The following ANO8 variants were observed in gnomAD, a reference collection of about 807,000 sequenced individuals.
ANO8 encodes the protein anoctamin-8.
In ANO8, 67 loss-of-function variants were observed where a neutral mutation model predicts 120.4. The ratio of observed to expected loss-of-function variants is 0.56; its 90% CI spans 0.46 to 0.68. ANO8 has a LOEUF of 0.68. Ranked by LOEUF, ANO8 falls within the 30% of genes least tolerant of loss-of-function variation. The probability of loss-of-function intolerance (pLI) is 0.00; values close to 1 mark genes in which losing one functional copy is unlikely to be tolerated. For synonymous variants in ANO8, 727 were observed against 759.2 expected, an observed-to-expected ratio of 0.96 and a Z score of 0.70; for missense variants, 1,526 against 1,737.6, an observed-to-expected ratio of 0.88 and a Z score of 2.16.
intron 1 of ANO8, among the ~76,000 whole-genome samples, chr19:17,334,189 G>A (rs1822615580): frequency 6.6e-6 from 1 of 152,242 alleles, no homozygotes; most frequent in African/African-American, 2.4e-5. Flanking sequence ...GAGGCCCAGA[G>A]CGTTTAAGTC....
rs971448910 is a variant in ANO8, at chr19:17,328,829, C to T, written c.1559G>A (p.Arg520His). The part of the protein sequence containing the change: ...RALLGLLSLR[R>H]PAPRRLEPQA... ...GGGTTCGAGGCGGCGGGGCGCAGGG[C>T]GCCGGAGGCTCAGGAGGCCAAGCAG... Residue 520 changes from arginine to histidine, a missense_variant, in exon 13 of 18, where the codon CGC becomes CAC. Arg to His is a conservative substitution (Grantham distance 29). Transcript: ENST00000159087. 6 of 1,447,456 alleles carry T rather than the reference C, an allele frequency of 4.1e-6. No homozygotes were observed. The highest frequency in any genetic ancestry group is 3.0e-5 in the African/African-American group (2 of 67,420). 89.7% of individuals were successfully genotyped at this position (1,447,456 alleles called of 1,614,324 possible). A position where few individuals can be genotyped will look rare whatever the true frequency, so the allele number is the denominator to read the frequency against.
rs777635079 is a variant in ANO8 at position 17,327,748 on chromosome 19, G to A, written c.2359C>T (p.Leu787=). ...LIEIRSDAFK[L]CTGLQRPFGQ... is the part of the protein sequence containing the mutation. ...AAGGGCCGCTGCAGCCCGGTGCACA[G>A]CTTGAAGGCGTCGCTGCGGATCTCA... Residue 787 remains leucine, a synonymous_variant, in exon 14 of 18, where the codon CTG becomes TTG. Transcript: ENST00000159087. 1 of 1,614,100 alleles carries A rather than the reference G, an allele frequency of 6.2e-7. No individual in the cohort carries two copies. Among genetic ancestry groups the A allele is most frequent in the Non-Finnish European group, 8.5e-7 (1 of 1,180,004 alleles).
rs140217196 is a variant in ANO8, at chr19:17,326,486, C to T, written c.2661+749G>A. 2.5e-3 allele frequency among the ~76,000 whole-genome samples: 385 copies of T among 152,206 alleles called. 2 individuals carry two copies. Among genetic ancestry groups the T allele is most frequent in the African/African-American group, 8.5e-3 (353 of 41,508 alleles). ...ACTCCATGCACTCCAGCCTGGATGACAGAGTGAGAGAGATTCTGTCTCAAA... is the reference window on the plus strand; with the variant it reads ...ACTCCATGCACTCCAGCCTGGATGATAGAGTGAGAGAGATTCTGTCTCAAA... On this transcript the variant is annotated intron_variant, in intron 16 of 17. Coordinates refer to ENST00000159087, the MANE Select transcript of ANO8 (RefSeq NM_020959.3).
Position 17,331,410 on chromosome 19 carries a change from G to C in ANO8, c.588C>G (p.Ile196Met). 1 of 1,613,164 alleles carries C rather than the reference G, an allele frequency of 6.2e-7. No homozygotes were observed. Among genetic ancestry groups the C allele is most frequent in the Non-Finnish European group, 8.5e-7 (1 of 1,179,890 alleles). ...TGATCCCACGTGCTGCCAGCTCCGG[G>C]ACTGTGGAGGGAGGAGCACAGGTGA... is the stretch of plus-strand genomic sequence containing the variant. ...NVRFLEDQPI[I>M]PELAARGIIQ... is the part of the protein sequence containing the mutation. The change falls in exon 6 of 18, where the codon ATC becomes ATG. Residue 196 changes from isoleucine to methionine, a missense_variant and splice_region_variant. Physicochemically the swap from Ile to Met is conservative, Grantham distance 10. Transcript: ENST00000159087.
chr19:17,329,316 C>G, intron 12 of ANO8: 2 of 359,200 alleles, frequency 5.6e-6, no homozygotes, highest in Admixed American at 4.6e-5. Flanking sequence ...CAGATTCCCT[C>G]CGCGCATGCG....
rs1417661462 is a variant in ANO8, at chr19:17,333,419, C to T, written c.350+3G>A. On this transcript the variant is annotated splice_donor_region_variant and intron_variant, in intron 3 of 17. Coordinates refer to ENST00000159087, the MANE Select transcript of ANO8 (RefSeq NM_020959.3). The surrounding 1 kb of genome is among the most constrained non-coding windows in gnomAD (Gnocchi z 7.2). ...AGCGAGAGGCCAGGGACAGGGGACTCGCCTCTCATACGTGGCGGTGACAAA... is the reference window on the plus strand; with the variant it reads ...AGCGAGAGGCCAGGGACAGGGGACTTGCCTCTCATACGTGGCGGTGACAAA... 8 of 1,613,640 alleles carry T rather than the reference C, an allele frequency of 5.0e-6. No individual in the cohort carries two copies. The highest frequency in any genetic ancestry group is 1.7e-5 in the Admixed American group (1 of 60,000).
chr19:17,327,827 G>A lies in ANO8; in HGVS notation c.2280C>T (p.Leu760=), dbSNP rs143733604. Residue 760 remains leucine (L), a synonymous_variant, in exon 14 of 18, where the codon CTC becomes CTT. Transcript: ENST00000159087. The part of the protein sequence containing the change: ...EMFVQFGYVV[L]FSSAFPLAAL... ...CCGCCAGGGGGAAGGCGGACGAGAAGAGCACAACGTAGCCGAACTGCACGA... is the reference window on the plus strand; with the variant it reads ...CCGCCAGGGGGAAGGCGGACGAGAAAAGCACAACGTAGCCGAACTGCACGA... 91 of 1,614,236 alleles carry A rather than the reference G, an allele frequency of 5.6e-5. 1 individual carries two copies. The African/African-American group carries it at 1.2e-3, about 21-fold the overall frequency.
rs775914668 is a variant in ANO8, at chr19:17,325,338, G to A, written c.2710C>T (p.Arg904Trp). 66 of 1,601,266 alleles carry A rather than the reference G, an allele frequency of 4.1e-5. No individual in the cohort carries two copies. The highest frequency in any genetic ancestry group is 5.2e-5 in the Non-Finnish European group (61 of 1,178,674). ...CGCTGTCGCTCCTCCTCCTCCCGCC[G>A]CCTGCGCTGCTGCTGCTGGTAGCGA... ...QHRYQQQQRR[R>W]REEEERQRHA... The change falls in exon 17 of 18, where the codon CGG (arginine) becomes TGG (tryptophan). Residue 904 changes from arginine (R) to tryptophan (W), a missense_variant. Transcript: ENST00000159087.
At position 17,327,309 on chromosome 19, in the gene ANO8, C is replaced by A; in HGVS notation, c.2587G>T (p.Ala863Ser). 1 of 1,549,888 alleles carries A rather than the reference C, an allele frequency of 6.5e-7. No individual in the cohort carries two copies. Among genetic ancestry groups the A allele is most frequent in the Non-Finnish European group, 8.7e-7 (1 of 1,146,796 alleles). The change falls in exon 16 of 18, where the codon GCC (alanine) becomes TCC (serine). Residue 863 changes from alanine (A) to serine (S), a missense_variant. Transcript: ENST00000159087. ...ALLLKYLIHVAIPDIPGWVAE... is the reference protein window; with the variant it reads ...ALLLKYLIHVSIPDIPGWVAE... The stretch of plus-strand genomic sequence containing the variant: ...ACCCAGCCCGGGATATCGGGGATGG[C>A]CACGTGGATGAGGTACTTGAGGAGC...
chr19:17,332,517 A>C (rs1286376003), intron 5 of ANO8, among the ~76,000 whole-genome samples: 1 of 152,230 alleles, frequency 6.6e-6, no homozygotes, highest in Non-Finnish European at 1.5e-5. Flanking sequence ...TCCAACGCCC[A>C]GAGCCGCACC....
At position 17,332,991 on chromosome 19, in the gene ANO8, A is replaced by G; in HGVS notation, c.525T>C (p.Asn175=). ...GTGCTTCTCCCTGCTTGGCACGCAAATTCTGCAGCCAGAAGCGGATGATGC... is the reference window on the plus strand; with the variant it reads ...GTGCTTCTCCCTGCTTGGCACGCAAGTTCTGCAGCCAGAAGCGGATGATGC... ...RQSIIRFWLQ[N]LRAKQGEALH... Residue 175 remains asparagine (N), a synonymous_variant, in exon 5 of 18, where the codon AAT becomes AAC. Transcript: ENST00000159087. The G allele has an allele frequency of 6.2e-7, 1 of 1,614,158 alleles. No homozygotes were observed. Among genetic ancestry groups the G allele is most frequent in the Non-Finnish European group, 8.5e-7 (1 of 1,180,044 alleles).
chr19:17,330,418 G>A lies in ANO8; in HGVS notation c.1080C>T (p.Ser360=), dbSNP rs748001086. The A allele has an allele frequency of 1.1e-5, 17 of 1,576,034 alleles. No homozygotes were observed. In the East Asian group the frequency reaches 3.5e-4, roughly 33 times the overall value. The part of the protein sequence containing the change: ...WKRLLFQLLV[S]LPLCLACLVC... Reference sequence around the variant, plus strand: ...CGAGGCACGCCAGGCACAGGGGGAGGCTCACAAGCAGCTGGAAGAGCAGCC... The same window carrying A: ...CGAGGCACGCCAGGCACAGGGGGAGACTCACAAGCAGCTGGAAGAGCAGCC... Residue 360 remains serine (S), a synonymous_variant, in exon 9 of 18, where the codon AGC becomes AGT. Coordinates refer to ENST00000159087, the MANE Select transcript of ANO8 (RefSeq NM_020959.3).
intron 16 of ANO8, among the ~76,000 whole-genome samples, chr19:17,326,543 T>C (rs569170706): frequency 1.2e-4 from 19 of 152,086 alleles, no homozygotes; most frequent in Non-Finnish European, 2.5e-4. Flanking sequence ...AAAAGGACTA[T>C]GGCTGCAGCA....
intron 16 of ANO8, 40 bp downstream of exon 16, chr19:17,327,195 C>A: frequency 1.4e-6 from 2 of 1,469,760 alleles, no homozygotes; most frequent in Non-Finnish European, 1.8e-6. Flanking sequence ...CACCAGCAGC[C>A]CCACCAATGA....
rs142385187 is a variant in ANO8 at position 17,323,311 on chromosome 19, C to CTCTGTGTG, written c.*205_*206insCACACAGA. 3 of 327,488 alleles carry CTCTGTGTG rather than the reference C, an allele frequency of 9.2e-6. No homozygotes were observed. Among genetic ancestry groups the CTCTGTGTG allele is most frequent in the Non-Finnish European group, 1.1e-5 (2 of 180,456 alleles). 20.3% of individuals were successfully genotyped at this position (327,488 alleles called of 1,614,324 possible). On this transcript the variant is annotated 3_prime_UTR_variant, in exon 18 of 18. Coordinates refer to ENST00000159087, the MANE Select transcript of ANO8 (RefSeq NM_020959.3). ...AAAAACAAATAAATAATCGCCTGTT[C>CTCTGTGTG]TGTGTGTGTGTGTGTGTGTGTGTGT...
At position 17,328,539 on chromosome 19, in the gene ANO8, CCTT is replaced by C. The variant is rs752367532; in HGVS notation, c.1846_1848del (p.Lys616del). Reference sequence around the variant, plus strand: ...CCCGCGCCGCGCTCAGCGAAGCTGACCTTCTTCAGCCGGAGCCCGCAGTCCAGG... The same window carrying C: ...CCCGCGCCGCGCTCAGCGAAGCTGACCTTCAGCCGGAGCCCGCAGTCCAGG... On this transcript the variant is annotated inframe_deletion, in exon 13 of 18. Coordinates refer to ENST00000159087, the MANE Select transcript of ANO8 (RefSeq NM_020959.3). 38 of 1,549,262 alleles carry C rather than the reference CCTT, an allele frequency of 2.5e-5. No homozygotes were observed. Among genetic ancestry groups the C allele is most frequent in the Middle Eastern group, 2.0e-4 (1 of 4,930 alleles).
rs536839466 is a variant in ANO8 at position 17,323,426 on chromosome 19, G to A, written c.*91C>T. 5.6e-6 allele frequency: 7 copies of A among 1,254,770 alleles called. No homozygotes were observed. In the African/African-American group the frequency reaches 7.7e-5, roughly 14 times the overall value. The allele number at this position is 1,254,770 out of a possible 1,614,324, so 77.7% of individuals were successfully genotyped here. The stretch of plus-strand genomic sequence containing the variant: ...GCACCGACCAATACTGGGGGCCCTC[G>A]GGGGCTGAAGCGCATTTTGCATTTT... On this transcript the variant is annotated 3_prime_UTR_variant, in exon 18 of 18. Coordinates refer to ENST00000159087, the MANE Select transcript of ANO8 (RefSeq NM_020959.3).
Position 17,325,343 on chromosome 19 carries a change from C to CGCTGCT in ANO8, c.2699_2704dup (p.Gln900_Gln901dup), listed in dbSNP as rs778629282. The stretch of plus-strand genomic sequence containing the variant: ...TCGCTCCTCCTCCTCCCGCCGCCTG[C>CGCTGCT]GCTGCTGCTGCTGGTAGCGATGCTG... On this transcript the variant is annotated inframe_insertion, in exon 17 of 18. Transcript: ENST00000159087. 9 of 1,600,310 alleles carry CGCTGCT rather than the reference C, an allele frequency of 5.6e-6. No homozygotes were observed. The Admixed American group carries it at 1.3e-4, about 24-fold the overall frequency.
Position 17,331,335 on chromosome 19 carries a change from C to T in ANO8, c.663G>A (p.Met221Ile). Reference protein sequence around the residue: ...VHEQRILNRLMKSWVQAVCEN... With the variant: ...VHEQRILNRLIKSWVQAVCEN... The stretch of plus-strand genomic sequence containing the variant: ...CACACACGGCCTGCACCCATGACTT[C>T]ATGAGGCGGTTCAGAATACGCTGCT... The change falls in exon 6 of 18, where the codon ATG (methionine) becomes ATA (isoleucine). Residue 221 changes from methionine to isoleucine, a missense_variant. Around this residue, in one of 8 missense-constraint regions of ANO8, gnomAD observed 322 missense variants for 431.8 expected, o/e 0.75. Transcript: ENST00000159087. 1 of 1,614,190 alleles carries T rather than the reference C, an allele frequency of 6.2e-7. No homozygotes were observed.
Sources: gnomAD v4.1 joint callset for allele counts (sites outside exome capture counted in the v4.1 genomes callset) on GRCh38, gnomAD v4.1.1 for gene constraint, gnomAD v4.1.1 regional missense constraint, Gnocchi (gnomAD v3.1) non-coding constraint, MANE v1.5 for transcripts, NCBI Gene and HGNC (gene_info 2026-07-23, HGNC 2026-07-21) for gene names.